PTPRG: variants seen among roughly 807,000 people sequenced by gnomAD.
PTPRG encodes receptor-type tyrosine-protein phosphatase gamma.
A neutral mutation model predicts 165.3 loss-of-function variants in PTPRG; 102 were observed. The ratio of observed to expected loss-of-function variants is 0.62; its 90% confidence interval spans 0.53 to 0.73. The LOEUF is 0.73. Ranked by LOEUF, PTPRG falls within the 30% of genes least tolerant of loss-of-function variation. The pLI, the probability that PTPRG is intolerant of heterozygous loss-of-function variation, is 0.00. For synonymous variants in PTPRG, 675 were observed against 669.5 expected (o/e 1.01, Z -0.13); for missense variants, 1,866 against 1,861.4 (o/e 1.00, Z -0.05).
intron 4 of PTPRG, among the ~76,000 whole-genome samples, chr3:62,033,577 C>A (rs1699845093): frequency 6.8e-6 from 1 of 146,970 alleles, no homozygotes; most frequent in Admixed American, 6.9e-5. Flanking sequence ...GTGTTCCACG[C>A]TGGTCTTGAA....
chr3:61,717,508 C>T (rs2031859209), intron 1 of PTPRG, among the ~76,000 whole-genome samples: 1 of 152,148 alleles, frequency 6.6e-6, no homozygotes, highest in Non-Finnish European at 1.5e-5. Flanking sequence ...GATTTGTGGG[C>T]CAGGAGTGGT....
intron 2 of PTPRG, among the ~76,000 whole-genome samples, chr3:61,871,163 GTGTTATGTTATGTTATGTTA>G (rs201503322): frequency 0.087 from 10,143 of 115,994 alleles, 557 homozygotes; most frequent in South Asian, 0.18. Context: ...GTGTTGTGTT[GTGTTATGTTATGTTATGTTA>G]TGTTATGTTA....
At chr3:62,005,691 T>C (rs74482199) in intron 4 of PTPRG, among the ~76,000 whole-genome samples, 1 of 4,448 alleles carries the variant, frequency 2.2e-4, no homozygotes, top group Non-Finnish European at 3.6e-4. Flanking sequence ...ATTAATATCC[T>C]TTTTTTTTTT....
chr3:61,706,959 G>A (rs375455923), intron 1 of PTPRG, among the ~76,000 whole-genome samples: 5 of 151,888 alleles, frequency 3.3e-5, no homozygotes, highest in East Asian at 3.9e-4. Flanking sequence ...TTACATATGG[G>A]GAAATACCTA....
At chr3:62,032,697 C>T (rs780626088) in intron 4 of PTPRG, among the ~76,000 whole-genome samples, 5 of 152,184 alleles carry the variant, frequency 3.3e-5, no homozygotes, top group African/African-American at 1.2e-4. Flanking sequence ...TCTCATTCAA[C>T]GCCTAACGTG....
chr3:61,685,434 T>G (rs916811520), intron 1 of PTPRG, among the ~76,000 whole-genome samples: 7 of 152,158 alleles, frequency 4.6e-5, no homozygotes, highest in African/African-American at 1.7e-4. Flanking sequence ...GTGCAAGGAA[T>G]TCATTGGGGG....
intron 2 of PTPRG, among the ~76,000 whole-genome samples, chr3:61,850,995 T>A (rs576481171): frequency 6.6e-5 from 10 of 152,312 alleles, no homozygotes; most frequent in African/African-American, 2.2e-4. Context: ...GGTGTCAGGT[T>A]AGGTAAGATT....
chr3:62,129,370 C>T (rs563608711), intron 5 of PTPRG, among the ~76,000 whole-genome samples: 1 of 152,062 alleles, frequency 6.6e-6, no homozygotes, highest in Non-Finnish European at 1.5e-5. Context: ...AAGTTCCTGT[C>T]GTAGTCTTTT....
In PTPRG at chr3:61,767,239, T is replaced by TGAAAAAAAAAAAAAAAAAAA. The variant is rs1371380259; in HGVS notation, c.190+18257_190+18258insGAAAAAAAAAAAAAAAAAAA. On this transcript the variant is annotated intron_variant, in intron 2 of 29. Coordinates refer to ENST00000474889, the MANE Select transcript of PTPRG (RefSeq NM_002841.4). ...AGCCTTGTGACAGCAAGATTCCATC[T>TGAAAAAAAAAAAAAAAAAAA]CAAAAAAAAAAAAAAAAAGAAAGTA... 4.1e-5 allele frequency among the ~76,000 whole-genome samples: 3 copies of TGAAAAAAAAAAAAAAAAAAA among 73,076 alleles called. 1 individual carries two copies. The highest frequency in any genetic ancestry group is 7.9e-5 in the Non-Finnish European group (3 of 38,196). 47.9% of individuals were successfully genotyped at this position (73,076 alleles called of 152,430 possible). A position where few individuals can be genotyped will look rare whatever the true frequency, so the allele number is the denominator to read the frequency against.
At chr3:62,071,728 C>T (rs1177585757) in intron 4 of PTPRG, among the ~76,000 whole-genome samples, 3 of 152,138 alleles carry the variant, frequency 2.0e-5, no homozygotes, top group Non-Finnish European at 2.9e-5. Context: ...ATTTGAAAGA[C>T]AATTTTGAAA....
chr3:62,047,056 C>T (rs926433786), intron 4 of PTPRG, among the ~76,000 whole-genome samples: 1 of 152,072 alleles, frequency 6.6e-6, no homozygotes, highest in African/African-American at 2.4e-5. Flanking sequence ...TAAGTGGAAC[C>T]CAGAATTAGA....
intron 8 of PTPRG, among the ~76,000 whole-genome samples, chr3:62,169,341 A>G (rs546445349): frequency 6.6e-6 from 1 of 152,240 alleles, no homozygotes; most frequent in South Asian, 2.1e-4. Context: ...CACCCCCGGC[A>G]AGAACTCCCA....
intron 2 of PTPRG, among the ~76,000 whole-genome samples, chr3:61,887,123 CATATAT>C (rs148352398): frequency 0.018 from 1,572 of 85,258 alleles, 35 homozygotes; most frequent in East Asian, 0.052. Flanking sequence ...CCATAGCATG[CATATAT>C]ATATATATAT....
chr3:61,949,902 C>T lies in PTPRG; in HGVS notation c.191-39723C>T, dbSNP rs564160251. ...AGTTGGGACTACAGGCACCCGCCAC[C>T]GTGCCCGGCTAATTTTTGTATTTTT... On this transcript the variant is annotated intron_variant, in intron 2 of 29. Coordinates refer to ENST00000474889, the MANE Select transcript of PTPRG (RefSeq NM_002841.4). Among the ~76,000 whole-genome samples the T allele has an allele frequency of 5.3e-5, 8 of 152,174 alleles. 1 individual carries two copies. In the East Asian group the frequency reaches 1.2e-3, roughly 22 times the overall value.
intron 2 of PTPRG, among the ~76,000 whole-genome samples, chr3:61,814,805 G>A (rs139701056): frequency 1.7e-3 from 263 of 151,210 alleles, no homozygotes; most frequent in Non-Finnish European, 3.2e-3. Context: ...AATAAATGTC[G>A]TTGCATGGCT....
chr3:61,957,639 C>G (rs1309497436), intron 2 of PTPRG, among the ~76,000 whole-genome samples: 1 of 152,198 alleles, frequency 6.6e-6, no homozygotes, highest in Non-Finnish European at 1.5e-5. Context: ...TGTCTTACTG[C>G]TGGTGTCATT....
chr3:61,575,582 C>G (rs1191787953), intron 1 of PTPRG, among the ~76,000 whole-genome samples: 1 of 148,630 alleles, frequency 6.7e-6, no homozygotes, highest in Admixed American at 6.7e-5. Context: ...ACCAGAAAAG[C>G]ATTAGGCACA....
chr3:61,679,590 G>T (rs542572385), intron 1 of PTPRG, among the ~76,000 whole-genome samples: 2 of 152,194 alleles, frequency 1.3e-5, no homozygotes, highest in Admixed American at 6.5e-5. Context: ...TTTGAGAACA[G>T]CCACCACAGT....
intron 1 of PTPRG, among the ~76,000 whole-genome samples, chr3:61,713,749 T>C (rs1157692514): frequency 6.6e-6 from 1 of 152,130 alleles, no homozygotes; most frequent in East Asian, 1.9e-4. Context: ...GTCCCAATTT[T>C]TGGTTTGTAG....
Sources: allele counts gnomAD v4.1 joint callset (sites outside exome capture counted in the v4.1 genomes callset), GRCh38; gene constraint gnomAD v4.1.1; transcripts MANE v1.5; gene names NCBI Gene and HGNC (gene_info 2026-07-23, HGNC 2026-07-21).